Variants in FUNDC2 observed in about 807,000 individuals in gnomAD.
The protein encoded by FUNDC2 is FUN14 domain-containing protein 2.
In FUNDC2, 4 loss-of-function variants were observed where a neutral mutation model predicts 15.6. The observed-to-expected ratio is 0.26, with a 90% CI of 0.13 to 0.59. FUNDC2 has a LOEUF of 0.59. Among genes scored for constraint, FUNDC2 ranks in the 20% least tolerant of loss-of-function variants. FUNDC2 has a pLI of 0.90. For missense variants in FUNDC2, 98 were observed against 149.7 expected (o/e 0.65, Z 1.80); for synonymous variants, 44 against 56.9 (o/e 0.77, Z 1.02).
In FUNDC2 at chrX:155,056,541, G is replaced by A. The variant is rs782755597; in HGVS notation, c.*1869G>A. The A allele has an allele frequency of 2.9e-5, 3 of 104,674 alleles. No individual in the cohort carries two copies. The highest frequency in any genetic ancestry group is 4.1e-4 in the South Asian group (1 of 2,415). 8.6% of individuals were successfully genotyped at this position (104,674 alleles called of 1,213,427 possible). A position where few individuals can be genotyped will look rare whatever the true frequency, so the allele number is the denominator to read the frequency against. On this transcript the variant is annotated 3_prime_UTR_variant, in exon 5 of 5. Coordinates refer to ENST00000369498, the MANE Select transcript of FUNDC2 (RefSeq NM_023934.4). ...CTCCTCTATTTTTTTTTTTTTGCTT[G>A]CTATATATTTATATCTCTATATATA... is the stretch of plus-strand genomic sequence containing the variant.
intron 2 of FUNDC2, among the ~76,000 whole-genome samples, chrX:155,035,589 C>G (rs1336158045): frequency 8.9e-6 from 1 of 111,989 alleles, no homozygotes; most frequent in Non-Finnish European, 1.9e-5. Flanking sequence ...GATCTGCTTT[C>G]TATTACTATA....
At chrX:155,029,028 G>C (rs1205774216) in intron 1 of FUNDC2, among the ~76,000 whole-genome samples, 1 of 111,555 alleles carries the variant, frequency 9.0e-6, no homozygotes, top group African/African-American at 3.3e-5. Flanking sequence ...CCCAGGGGTG[G>C]GATCTATATT....
At position 155,057,991 on chromosome X, in the gene FUNDC2, G is replaced by C. The variant is rs1433523201; in HGVS notation, c.*3319G>C. On this transcript the variant is annotated 3_prime_UTR_variant, in exon 5 of 5. Coordinates refer to ENST00000369498, the MANE Select transcript of FUNDC2 (RefSeq NM_023934.4). ...GAGAGATGTGGTGGTGGGGACCCTT[G>C]CCTGAGCAGCCCATTGTCATGAGTG... The C allele has an allele frequency of 1.8e-5, 2 of 111,300 alleles. No homozygotes were observed. The highest frequency in any genetic ancestry group is 3.3e-5 in the African/African-American group (1 of 30,586). The allele number at this position is 111,300 out of a possible 1,213,427, so 9.2% of individuals were successfully genotyped here.
chrX:155,055,877 C>T lies in FUNDC2; in HGVS notation c.*1205C>T. ...CAGAATTGTTAATCTTGGAGATGAT[C>T]TCTTGTGAAATATGAGTGTGTTTCT... is the stretch of plus-strand genomic sequence containing the variant. On this transcript the variant is annotated 3_prime_UTR_variant, in exon 5 of 5. Coordinates refer to ENST00000369498, the MANE Select transcript of FUNDC2 (RefSeq NM_023934.4). 1 of 112,127 alleles carries T rather than the reference C, an allele frequency of 8.9e-6. No homozygotes were observed. Among genetic ancestry groups the T allele is most frequent in the Middle Eastern group, 4.6e-3 (1 of 218 alleles). 9.2% of individuals were successfully genotyped at this position (112,127 alleles called of 1,213,427 possible).
Position 155,056,711 on chromosome X carries a change from A to G in FUNDC2, c.*2039A>G, listed in dbSNP as rs921783559. On this transcript the variant is annotated 3_prime_UTR_variant, in exon 5 of 5. Transcript: ENST00000369498. ...TTACCTGTGTGACTTACCCACAGCA[A>G]TGGGATGGTAACAGCAAAGCTAACC... 3.6e-5 allele frequency: 4 copies of G among 111,010 alleles called. No homozygotes were observed. Among genetic ancestry groups the G allele is most frequent in the Non-Finnish European group, 5.7e-5 (3 of 52,950 alleles). 9.1% of individuals were successfully genotyped at this position (111,010 alleles called of 1,213,427 possible).
intron 3 of FUNDC2, chrX:155,050,536 A>G (rs1252262814): frequency 8.9e-6 from 1 of 112,202 alleles, no homozygotes; most frequent in African/African-American, 3.2e-5. Flanking sequence ...TTAGATACAA[A>G]TGTTGATACT....
rs200923469 is a variant in FUNDC2, at chrX:155,032,280, C to CT, written c.134-1100dup. On this transcript the variant is annotated intron_variant, in intron 1 of 4. Coordinates refer to ENST00000369498, the MANE Select transcript of FUNDC2 (RefSeq NM_023934.4). ...CGTGAGCCACCACGCCTGGTGCCTT[C>CT]TTTTTTTTTTTTTTTTTTTTTTTGA... Among the ~76,000 whole-genome samples the CT allele has an allele frequency of 8.3e-3, 520 of 62,686 alleles. 7 individuals carry two copies. The highest frequency in any genetic ancestry group is 0.015 in the Admixed American group (76 of 5,027). 54.4% of individuals were successfully genotyped at this position (62,686 alleles called of 115,157 possible).
intron 2 of FUNDC2, among the ~76,000 whole-genome samples, chrX:155,034,921 A>T (rs947838082): frequency 9.0e-6 from 1 of 111,227 alleles, no homozygotes; most frequent in Non-Finnish European, 1.9e-5. Context: ...TCCCTTGTTA[A>T]GCTGTAAGAG....
At chrX:155,029,904 T>C (rs1346626377) in intron 1 of FUNDC2, among the ~76,000 whole-genome samples, 2 of 111,813 alleles carry the variant, frequency 1.8e-5, no homozygotes, top group Non-Finnish European at 3.8e-5. Flanking sequence ...TTAGGTCATC[T>C]TCAATTTCTT....
In FUNDC2 at chrX:155,056,225, A is replaced by G. The variant is rs1432878714; in HGVS notation, c.*1553A>G. On this transcript the variant is annotated 3_prime_UTR_variant, in exon 5 of 5. Transcript: ENST00000369498. ...CCCCCTGTGTATCTATCACTCACTC[A>G]CAACAATCATCAAATTATAGCTCTG... is the stretch of plus-strand genomic sequence containing the variant. The G allele has an allele frequency of 2.7e-5, 3 of 112,175 alleles. No individual in the cohort carries two copies. The highest frequency in any genetic ancestry group is 9.7e-5 in the African/African-American group (3 of 30,837). The allele number at this position is 112,175 out of a possible 1,213,427, so 9.2% of individuals were successfully genotyped here.
At chrX:155,027,146 G>C (rs782595718) in intron 1 of FUNDC2, 75 bp downstream of exon 1, 12 of 992,903 alleles carry the variant, frequency 1.2e-5, no homozygotes, top group African/African-American at 2.1e-5. Context: ...AGGGCTCCGC[G>C]CCCGCCAGTC....
Position 155,055,587 on chromosome X carries a change from G to C in FUNDC2, c.*915G>C. 4.3e-6 allele frequency: 1 copy of C among 230,765 alleles called. No homozygotes were observed. The highest frequency in any genetic ancestry group is 7.8e-6 in the Non-Finnish European group (1 of 128,880). 19.0% of individuals were successfully genotyped at this position (230,765 alleles called of 1,213,427 possible). A position where few individuals can be genotyped will look rare whatever the true frequency, so the allele number is the denominator to read the frequency against. ...CATCAAGTGTAATCTACCGTCTCAT[G>C]ATGACCACAACCCTGAGAATTATTC... On this transcript the variant is annotated 3_prime_UTR_variant, in exon 5 of 5. Coordinates refer to ENST00000369498, the MANE Select transcript of FUNDC2 (RefSeq NM_023934.4).
intron 3 of FUNDC2, among the ~76,000 whole-genome samples, chrX:155,047,942 A>AGGT (rs1265827564): frequency 9.0e-6 from 1 of 110,969 alleles, no homozygotes; most frequent in Non-Finnish European, 1.9e-5. Flanking sequence ...ACTCCCTGCA[A>AGGT]GGTGGGGCCC....
At chrX:155,030,243 G>A (rs1449658964) in intron 1 of FUNDC2, among the ~76,000 whole-genome samples, 3 of 108,529 alleles carry the variant, frequency 2.8e-5, no homozygotes, top group African/African-American at 1.0e-4. Context: ...AGGAACTCCA[G>A]TACAGTGCTG....
intron 2 of FUNDC2, among the ~76,000 whole-genome samples, chrX:155,042,359 G>A (rs1557289692): frequency 9.4e-6 from 1 of 106,943 alleles, no homozygotes; most frequent in East Asian, 3.0e-4. Context: ...GCTAATTTTT[G>A]TATTTTTAGT....
Position 155,057,029 on chromosome X carries a change from G to A in FUNDC2, c.*2357G>A. ...GTCATGGTTGAGGTCAGTATTGCAGGTTGGCCTCATCCTGCTAGTATGAGA... is the reference window on the plus strand; with the variant it reads ...GTCATGGTTGAGGTCAGTATTGCAGATTGGCCTCATCCTGCTAGTATGAGA... On this transcript the variant is annotated 3_prime_UTR_variant, in exon 5 of 5. Transcript: ENST00000369498. 3.1e-5 allele frequency: 3 copies of A among 98,214 alleles called. No homozygotes were observed. The Admixed American group carries it at 3.1e-4, about 10-fold the overall frequency. The allele number at this position is 98,214 out of a possible 1,213,427, so 8.1% of individuals were successfully genotyped here.
chrX:155,047,280 C>T (rs191499342), intron 3 of FUNDC2: 178 of 339,777 alleles, frequency 5.2e-4, no homozygotes, highest in South Asian at 1.1e-3. Context: ...CTTAAAACTC[C>T]TGAGGTGATT....
Position 155,059,495 on chromosome X carries a change from A to G in FUNDC2, c.*4823A>G, listed in dbSNP as rs781899794. 9.2e-6 allele frequency: 1 copy of G among 108,462 alleles called. No individual in the cohort carries two copies. The highest frequency in any genetic ancestry group is 3.4e-5 in the African/African-American group (1 of 29,660). The allele number at this position is 108,462 out of a possible 1,213,427, so 8.9% of individuals were successfully genotyped here. A position where few individuals can be genotyped will look rare whatever the true frequency, so the allele number is the denominator to read the frequency against. On this transcript the variant is annotated 3_prime_UTR_variant, in exon 5 of 5. Transcript: ENST00000369498. Reference sequence around the variant, plus strand: ...GAGATCATAGTTTTCACCTTCCTAGAGTTCTTTGCTTAAGACTGAGATTCA... The same window carrying G: ...GAGATCATAGTTTTCACCTTCCTAGGGTTCTTTGCTTAAGACTGAGATTCA...
intron 2 of FUNDC2, among the ~76,000 whole-genome samples, chrX:155,035,308 T>C (rs1260546287): frequency 8.9e-6 from 1 of 111,935 alleles, no homozygotes; most frequent in Non-Finnish European, 1.9e-5. Flanking sequence ...TTTATGTGAG[T>C]GTGTGTGCGC....
Sources: allele counts gnomAD v4.1 joint callset (sites outside exome capture counted in the v4.1 genomes callset), GRCh38; gene constraint gnomAD v4.1.1; transcripts MANE v1.5; gene names NCBI Gene and HGNC (gene_info 2026-07-23, HGNC 2026-07-21).